The following FGA variants were observed in gnomAD, a reference collection of about 807,000 sequenced individuals.
The protein encoded by FGA is fibrinogen alpha chain, also known as fibrinogen, A alpha polypeptide.
A neutral mutation model predicts 20.3 loss-of-function variants in FGA; 20 were observed. The observed-to-expected ratio is 0.99, with a 90% CI of 0.69 to 1.43. The LOEUF (loss-of-function observed/expected upper bound fraction) is 1.43, where lower values mean the gene tolerates loss of function less well. Ranked by LOEUF, FGA falls within the 40% of genes most tolerant of loss-of-function variation. The pLI, the probability that FGA is intolerant of heterozygous loss-of-function variation, is 0.00. For missense variants in FGA, 777 were observed against 784.7 expected, an observed-to-expected ratio of 0.99 and a Z score of 0.12; for synonymous variants, 306 against 281.6, an observed-to-expected ratio of 1.09 and a Z score of -0.87.
rs755916126 is a variant in FGA, at chr4:154,586,527, C to T, written c.902G>A (p.Gly301Glu). 1.2e-6 allele frequency: 2 copies of T among 1,613,784 alleles called. No individual in the cohort carries two copies. Among genetic ancestry groups the T allele is most frequent in the Admixed American group, 3.3e-5 (2 of 60,010 alleles). Residue 301 changes from glycine to glutamate, a missense_variant, in exon 5 of 5, where the codon GGA (glycine) becomes GAA (glutamate). Physicochemically the swap from Gly to Glu is moderately conservative, Grantham distance 98. Transcript: ENST00000403106. ...SAGSWNSGSS[G>E]PGSTGNRNPG... is the part of the protein sequence containing the mutation. ...GTTTCGGTTTCCAGTACTTCCAGGTCCAGAGCTCCCAGAGTTCCAGCTTCC... is the reference window on the plus strand; with the variant it reads ...GTTTCGGTTTCCAGTACTTCCAGGTTCAGAGCTCCCAGAGTTCCAGCTTCC...
chr4:154,588,909 T>A lies in FGA; in HGVS notation c.248A>T (p.Asn83Ile), dbSNP rs186283932. The A allele has an allele frequency of 6.2e-7, 1 of 1,613,374 alleles. No homozygotes were observed. The highest frequency in any genetic ancestry group is 8.5e-7 in the Non-Finnish European group (1 of 1,179,446). Residue 83 changes from asparagine (N) to isoleucine (I), a missense_variant, in exon 3 of 5, where the codon AAC becomes ATC. Asn to Ile is a moderately radical substitution (Grantham distance 149). Transcript: ENST00000403106. Reference sequence around the variant, plus strand: ...TGAATTTTTGAGCTTATTTATTCTGTTTGTAAAATCTTGATTGACTTCATC... The same window carrying A: ...TGAATTTTTGAGCTTATTTATTCTGATTGTAAAATCTTGATTGACTTCATC... The part of the protein sequence containing the change: ...LIDEVNQDFT[N>I]RINKLKNSLF...
intron 3 of FGA, 88 bp from the exon 4 acceptor site, chr4:154,587,745 G>GAGAAGGAAAGAA: frequency 1.9e-6 from 1 of 522,988 alleles, no homozygotes. Context: ...AGGAAGGAAG[G>GAGAAGGAAAGAA]AGAAAGAAAG....
In FGA at chr4:154,586,664, C is replaced by T. The variant is rs779582722; in HGVS notation, c.765G>A (p.Pro255=). The T allele has an allele frequency of 1.8e-5, 29 of 1,614,074 alleles. No individual in the cohort carries two copies. In the Admixed American group the frequency reaches 1.8e-4, roughly 10 times the overall value. ...GTCTCTCTAACTCCATTCTCATCTG[C>T]GGCATGTCTGTTAATGCCTTCCACT... ...PPEWKALTDM[P]QMRMELERPG... The change falls in exon 5 of 5, where the codon CCG becomes CCA. Residue 255 remains proline, a synonymous_variant. Transcript: ENST00000403106.
At chr4:154,583,880 CT>C (rs1730642654), downstream of FGA, 1 of 507,382 alleles carries the variant, frequency 2.0e-6, no homozygotes, top group African/African-American at 1.9e-5. Flanking sequence ...CTGAATGGCC[CT>C]TGGTATATCT....
At position 154,585,557 on chromosome 4, in the gene FGA, A is replaced by T. The variant is rs770146899; in HGVS notation, c.1872T>A (p.Ala624=). The change falls in exon 5 of 5, where the codon GCT becomes GCA. Residue 624 remains alanine (A), a synonymous_variant. Coordinates refer to ENST00000403106, the MANE Select transcript of FGA (RefSeq NM_021871.4). The part of the protein sequence containing the change: ...EGTHSTKRGH[A]KSRPVRGIHT... The stretch of plus-strand genomic sequence containing the variant: ...GGATACCTCTGACAGGGCGAGATTT[A>T]GCATGGCCTCTCTTGGTGCTATGTG... 3 of 1,614,028 alleles carry T rather than the reference A, an allele frequency of 1.9e-6. No individual in the cohort carries two copies. The highest frequency in any genetic ancestry group is 2.5e-6 in the Non-Finnish European group (3 of 1,180,004).
downstream of FGA, chr4:154,584,696 G>A (rs1730666494): frequency 6.2e-7 from 1 of 1,613,918 alleles, no homozygotes; most frequent in Non-Finnish European, 8.5e-7. Flanking sequence ...TCCATTCTTT[G>A]CTGGATCAAA....
Position 154,586,481 on chromosome 4 carries a change from T to A in FGA, c.948A>T (p.Gly316=). 6.2e-7 allele frequency: 1 copy of A among 1,613,500 alleles called. No individual in the cohort carries two copies. The highest frequency in any genetic ancestry group is 1.1e-5 in the South Asian group (1 of 91,024). ...TCCCAGGTTTCCAGGTTGCAGTCCCTCCAGTCCCAGAGCTCCCAGGGTTTC... is the reference window on the plus strand; with the variant it reads ...TCCCAGGTTTCCAGGTTGCAGTCCCACCAGTCCCAGAGCTCCCAGGGTTTC... ...GNRNPGSSGT[G]GTATWKPGSS... is the part of the protein sequence containing the mutation. The change falls in exon 5 of 5, where the codon GGA becomes GGT. Residue 316 remains glycine (G), a synonymous_variant. Coordinates refer to ENST00000403106, the MANE Select transcript of FGA (RefSeq NM_021871.4).
downstream of FGA, chr4:154,585,138 G>C (rs546394664): frequency 1.2e-6 from 1 of 845,384 alleles, no homozygotes. Context: ...AACACAACTT[G>C]TATTTAGCCT....
intron 4 of FGA, 143 bp downstream of exon 4, chr4:154,587,369 T>A (rs1333842596): frequency 1.4e-5 from 11 of 805,780 alleles, no homozygotes; most frequent in East Asian, 2.6e-5. Context: ...AACTGTGGAG[T>A]GAGGAAAATA....
chr4:154,585,086 T>C (rs1221870241), downstream of FGA, among the ~76,000 whole-genome samples: 1 of 152,226 alleles, frequency 6.6e-6, no homozygotes, highest in African/African-American at 2.4e-5. Context: ...CACAAACTAA[T>C]AGCAAGTAAC....
chr4:154,584,094 A>G, downstream of FGA: 1 of 1,546,402 alleles, frequency 6.5e-7, no homozygotes, highest in East Asian at 2.2e-5. Flanking sequence ...AGCAAAGAAG[A>G]CAGAGTGCTC....
rs60443975 is a variant in FGA, at chr4:154,587,745, GAGAAAGAAAGAA to G, written c.365-100_365-89del. On this transcript the variant is annotated intron_variant, in intron 3 of 4. Transcript: ENST00000403106. ...AAAAGAAAGGAAGAAAGGAAGGAAG[GAGAAAGAAAGAA>G]AGAAAGAAAGAAAGAAAGAAAGAAA... 0.058 allele frequency: 30,360 copies of G among 522,870 alleles called. 1,129 individuals carry two copies. Among genetic ancestry groups the G allele is most frequent in the African/African-American group, 0.072 (3,079 of 42,800 alleles). 32.4% of individuals were successfully genotyped at this position (522,870 alleles called of 1,614,324 possible).
chr4:154,585,819 A>C lies in FGA; in HGVS notation c.1610T>G (p.Leu537Ter). Residue 537 changes from leucine (L) to a stop codon, truncating the protein, a stop_gained, in exon 5 of 5, where the codon TTA becomes TGA. Transcript: ENST00000403106. LOFTEE classifies it low-confidence loss of function (END_TRUNC). ...CTCAGTCTCACTGACAAACTCTCCT[A>C]ACATAGGTGAGAAGAAACCTGGGAA... ...KTFPGFFSPM[L>*]GEFVSETESR... 1 of 1,614,152 alleles carries C rather than the reference A, an allele frequency of 6.2e-7. No homozygotes were observed. The highest frequency in any genetic ancestry group is 8.5e-7 in the Non-Finnish European group (1 of 1,180,020).
At chr4:154,584,230 T>C (rs763004840), downstream of FGA, 4 of 1,609,734 alleles carry the variant, frequency 2.5e-6, no homozygotes, top group East Asian at 6.7e-5. Flanking sequence ...ATAAGGACTG[T>C]TATTCCTTGG....
downstream of FGA, chr4:154,584,320 A>G: frequency 6.2e-7 from 1 of 1,614,056 alleles, no homozygotes; most frequent in Non-Finnish European, 8.5e-7. Flanking sequence ...TCCCCCATAG[A>G]CTTCTGCACA....
At chr4:154,589,629 G>A in intron 1 of FGA, 67 bp from the exon 2 acceptor site, 3 of 1,571,588 alleles carry the variant, frequency 1.9e-6, no homozygotes, top group Non-Finnish European at 2.6e-6. Flanking sequence ...GGAGACAGTG[G>A]CATGCCTACA....
chr4:154,585,702 G>T lies in FGA; in HGVS notation c.1727C>A (p.Ser576Tyr). 6.2e-7 allele frequency: 1 copy of T among 1,614,182 alleles called. No individual in the cohort carries two copies. The highest frequency in any genetic ancestry group is 1.3e-5 in the African/African-American group (1 of 75,042). Reference protein sequence around the residue: ...GIAEFPSRGKSSSYSKQFTSS... With the variant: ...GIAEFPSRGKYSSYSKQFTSS... ...AGTAAATTGTTTGCTGTAACTTGAA[G>T]ATTTACCACGGGAAGGGAATTCAGC... Residue 576 changes from serine (S) to tyrosine (Y), a missense_variant, in exon 5 of 5, where the codon TCT becomes TAT. Physicochemically the swap from Ser to Tyr is moderately radical, Grantham distance 144. Transcript: ENST00000403106.
rs539702396 is a variant in FGA at position 154,590,688 on chromosome 4, C to G, written c.-1G>C. 1 of 1,555,296 alleles carries G rather than the reference C, an allele frequency of 6.4e-7. No individual in the cohort carries two copies. Among genetic ancestry groups the G allele is most frequent in the East Asian group, 2.4e-5 (1 of 41,484 alleles). ...GGCAGACGATCCTCATGGAAAACAT[C>G]TTTTCTAAGGGTGGGGCTGGCTCCT... On this transcript the variant is annotated 5_prime_UTR_variant, in exon 1 of 5. Transcript: ENST00000403106.
At chr4:154,589,637 A>G (rs1434293881) in intron 1 of FGA, 75 bp from the exon 2 acceptor site, 2 of 1,533,860 alleles carry the variant, frequency 1.3e-6, no homozygotes, top group South Asian at 2.2e-5. Flanking sequence ...TGGCATGCCT[A>G]CAAGTCCCCA....
Sources: gnomAD v4.1 joint callset for allele counts (sites outside exome capture counted in the v4.1 genomes callset) on GRCh38, gnomAD v4.1.1 for gene constraint, MANE v1.5 for transcripts, NCBI Gene and HGNC (gene_info 2026-07-23, HGNC 2026-07-21) for gene names.